Variants in TULP4 observed in about 807,000 individuals in gnomAD.
The protein encoded by TULP4 is TUB like protein 4, also known as tubby-related protein 4.
Under a neutral mutation model 129.0 loss-of-function variants are expected in TULP4, and 16 were observed. The ratio of observed to expected loss-of-function variants is 0.12; its 90% CI spans 0.08 to 0.19. The LOEUF (loss-of-function observed/expected upper bound fraction) is 0.19, where lower values mean the gene tolerates loss of function less well. TULP4 is among the 10% of genes least tolerant of loss of function. The probability of loss-of-function intolerance (pLI) is 1.00; values close to 1 mark genes in which losing one functional copy is unlikely to be tolerated. For missense variants in TULP4, 1,842 were observed against 2,059.1 expected, an observed-to-expected ratio of 0.89 and a Z score of 2.04; for synonymous variants, 998 against 854.0, an observed-to-expected ratio of 1.17 and a Z score of -2.94.
chr6:158,433,915 G>A (rs906203415), intron 3 of TULP4, among the ~76,000 whole-genome samples: 3 of 151,526 alleles, frequency 2.0e-5, no homozygotes, highest in South Asian at 2.1e-4. Flanking sequence ...CAGACTGGGC[G>A]GTTTCAACAA....
intron 1 of TULP4, among the ~76,000 whole-genome samples, chr6:158,378,485 T>TTTTTTTGTGG (rs1554285635): frequency 1.9e-5 from 1 of 51,412 alleles, no homozygotes; most frequent in African/African-American, 7.6e-5. Context: ...TTTTTTTTTT[T>TTTTTTTGTGG]GGTGGGGGTG....
In TULP4 at chr6:158,452,043, T is replaced by A. The variant is rs1779172821; in HGVS notation, c.725-91T>A. ...AGTAGGATCTGCATTGTCAGGCAAT[T>A]TCTAAGGCACCATGCAAGATTTCAG... On this transcript the variant is annotated intron_variant, in intron 4 of 13. Transcript: ENST00000367097. 1.9e-6 allele frequency: 3 copies of A among 1,559,922 alleles called. No homozygotes were observed. In the Admixed American group the frequency reaches 5.5e-5, roughly 29 times the overall value.
chr6:158,238,326 C>A, intron 1 of TULP4: 1 of 853,868 alleles, frequency 1.2e-6, no homozygotes, highest in Middle Eastern at 2.3e-4. Flanking sequence ...GTGAGAGATG[C>A]TCGGGACTTT....
chr6:158,506,954 C>G lies in TULP4; in HGVS notation c.*260C>G. ...GGAAGCAAAGAGTGCTAGGCACCTG[C>G]TGTTCTTTCAGGAAACAGCTTGGCT... On this transcript the variant is annotated 3_prime_UTR_variant, in exon 14 of 14. Transcript: ENST00000367097. 2.1e-6 allele frequency: 1 copy of G among 468,710 alleles called. No homozygotes were observed. The highest frequency in any genetic ancestry group is 3.9e-6 in the Non-Finnish European group (1 of 258,560). The allele number at this position is 468,710 out of a possible 1,614,324, so 29.0% of individuals were successfully genotyped here. A position where few individuals can be genotyped will look rare whatever the true frequency, so the allele number is the denominator to read the frequency against.
chr6:158,277,916 A>C (rs569909927), upstream of TULP4, among the ~76,000 whole-genome samples: 1 of 151,962 alleles, frequency 6.6e-6, no homozygotes, highest in South Asian at 2.1e-4. Context: ...GCTTGAGGCA[A>C]CTCTGTTTCC....
At chr6:158,477,824 C>T (rs1174334794) in intron 6 of TULP4, among the ~76,000 whole-genome samples, 4 of 152,192 alleles carry the variant, frequency 2.6e-5, no homozygotes, top group Non-Finnish European at 5.9e-5. Flanking sequence ...CATTGCAGCA[C>T]TATTCACAAT....
intron 6 of TULP4, among the ~76,000 whole-genome samples, chr6:158,468,482 A>C (rs1202574961): frequency 1.3e-5 from 2 of 152,234 alleles, no homozygotes; most frequent in Non-Finnish European, 2.9e-5. Context: ...CAGATAACTT[A>C]AACTTATTTG....
intron 1 of TULP4, among the ~76,000 whole-genome samples, chr6:158,252,663 C>G (rs528708292): frequency 6.6e-6 from 1 of 152,148 alleles, no homozygotes; most frequent in South Asian, 2.1e-4. Flanking sequence ...TGTGAGCCAC[C>G]GCGCCCAGCC....
At chr6:158,369,461 T>A (rs1378135069) in intron 1 of TULP4, among the ~76,000 whole-genome samples, 1 of 152,232 alleles carries the variant, frequency 6.6e-6, no homozygotes, top group Non-Finnish European at 1.5e-5. Flanking sequence ...ATTATGTCAC[T>A]GCACTTCATC....
chr6:158,376,092 A>G (rs1001817562), intron 1 of TULP4, among the ~76,000 whole-genome samples: 4 of 152,178 alleles, frequency 2.6e-5, no homozygotes, highest in Non-Finnish European at 4.4e-5. Context: ...AGTGGCTGTC[A>G]CCTGCTGACC....
intron 1 of TULP4, among the ~76,000 whole-genome samples, chr6:158,378,485 T>TTTG (rs1554285635): frequency 9.1e-4 from 47 of 51,394 alleles, no homozygotes; most frequent in African/African-American, 2.0e-3. Context: ...TTTTTTTTTT[T>TTTG]GGTGGGGGTG....
intron 1 of TULP4, among the ~76,000 whole-genome samples, chr6:158,261,435 C>T (rs1338854429): frequency 2.0e-5 from 3 of 152,150 alleles, no homozygotes; most frequent in African/African-American, 7.2e-5. Flanking sequence ...TTTAGAGTAG[C>T]TTAAGACTGT....
intron 1 of TULP4, among the ~76,000 whole-genome samples, chr6:158,349,058 C>G (rs796141483): frequency 9.4e-5 from 1 of 10,608 alleles, no homozygotes; most frequent in Non-Finnish European, 1.7e-4. Context: ...ACTTCCCAGA[C>G]GGGGCGGCCA....
At chr6:158,385,394 G>A (rs1478796200) in intron 1 of TULP4, among the ~76,000 whole-genome samples, 1 of 152,154 alleles carries the variant, frequency 6.6e-6, no homozygotes, top group Non-Finnish European at 1.5e-5. Context: ...CCACAGAGAA[G>A]CATTTTGGTC....
rs547170954 is a variant in TULP4 at position 158,410,517 on chromosome 6, C to T, written c.253-2548C>T. On this transcript the variant is annotated intron_variant, in intron 1 of 13. Transcript: ENST00000367097. Reference sequence around the variant, plus strand: ...TTAAAAACTGATCAGTCATGAACATCGTGTTCTTAATTTGTCATGTTCTAT... The same window carrying T: ...TTAAAAACTGATCAGTCATGAACATTGTGTTCTTAATTTGTCATGTTCTAT... 8.5e-5 allele frequency among the ~76,000 whole-genome samples: 13 copies of T among 152,272 alleles called. No individual in the cohort carries two copies. The South Asian group carries it at 1.2e-3, about 15-fold the overall frequency.
intron 4 of TULP4, among the ~76,000 whole-genome samples, chr6:158,450,926 A>G (rs1779150663): frequency 1.3e-5 from 2 of 152,090 alleles, no homozygotes; most frequent in African/African-American, 2.4e-5. Flanking sequence ...TTAGCCAAGC[A>G]TGGTGGTGGG....
chr6:158,431,392 T>G (rs1163581174), intron 3 of TULP4, among the ~76,000 whole-genome samples: 1 of 152,210 alleles, frequency 6.6e-6, no homozygotes, highest in Non-Finnish European at 1.5e-5. Flanking sequence ...CCTAGAGTGA[T>G]GGAACCCATG....
At chr6:158,241,561 G>A (rs1456211794) in intron 1 of TULP4, among the ~76,000 whole-genome samples, 2 of 152,090 alleles carry the variant, frequency 1.3e-5, no homozygotes, top group Admixed American at 6.5e-5. Context: ...GGCCAATACA[G>A]CGAAACCCCG....
intron 1 of TULP4, among the ~76,000 whole-genome samples, chr6:158,411,126 G>GAAA (rs79023085): frequency 0.017 from 904 of 52,156 alleles, 8 homozygotes; most frequent in African/African-American, 0.052. Flanking sequence ...AGGTAAAAGT[G>GAAA]AAAAAAAAAA....
Sources: allele counts gnomAD v4.1 joint callset (sites outside exome capture counted in the v4.1 genomes callset), GRCh38; gene constraint gnomAD v4.1.1; transcripts MANE v1.5; gene names NCBI Gene and HGNC (gene_info 2026-07-23, HGNC 2026-07-21).